Variants in RP1 observed in about 807,000 individuals in gnomAD.
RP1 encodes RP1 axonemal microtubule associated.
A neutral mutation model predicts 14.8 loss-of-function variants in RP1; 16 were observed. That is an observed-to-expected ratio of 1.08 (90% CI 0.73 to 1.65). The LOEUF (loss-of-function observed/expected upper bound fraction) is 1.65, where lower values mean the gene tolerates loss of function less well. Among genes scored for constraint, RP1 ranks in the 40% most tolerant of loss-of-function variants. The pLI is 0.00. For missense variants in RP1, 2,631 were observed against 2,535.0 expected (o/e 1.04, Z -0.81); for synonymous variants, 876 against 883.6 (o/e 0.99, Z 0.15).
Position 54,781,472 on chromosome 8 carries a change from C to T in RP1, c.3452-2075C>T, listed in dbSNP as rs77562501. The stretch of plus-strand genomic sequence containing the variant: ...AGTCATATTCTTTTGATTTTTTTGG[C>T]GAAAAAAGTTTTGCAATAGAAAATT... On this transcript the variant is annotated intron_variant, in intron 23 of 28. Transcript: ENST00000637698. Among the ~76,000 whole-genome samples the T allele has an allele frequency of 4.6e-3, 698 of 151,744 alleles. 19 individuals are homozygous for T. In the East Asian group the frequency reaches 0.071, roughly 15 times the overall value.
Position 54,625,341 on chromosome 8 carries a change from G to C in RP1, c.1459G>C (p.Glu487Gln), listed in dbSNP as rs1479867904. 1 of 1,614,172 alleles carries C rather than the reference G, an allele frequency of 6.2e-7. No individual in the cohort carries two copies. The highest frequency in any genetic ancestry group is 8.5e-7 in the Non-Finnish European group (1 of 1,180,028). Residue 487 changes from glutamate to glutamine, a missense_variant, in exon 4 of 4, where the codon GAA (glutamate) becomes CAA (glutamine). Physicochemically the swap from Glu to Gln is conservative, Grantham distance 29. Transcript: ENST00000220676. ...EKMIGQFSYS[E>Q]ERESGENKSE... ...AATGATTGGACAGTTTTCATATAGT[G>C]AAGAAAGGGAAAGTGGGGAAAACAA...
intron 3 of RP1, among the ~76,000 whole-genome samples, chr8:54,640,787 T>C (rs1806438489): frequency 6.6e-6 from 1 of 152,186 alleles, no homozygotes; most frequent in Admixed American, 6.5e-5. Flanking sequence ...ATTAGTTCTG[T>C]ATCTTATACT....
At chr8:54,726,129 G>A (rs547935383) in intron 16 of RP1, among the ~76,000 whole-genome samples, 1 of 152,284 alleles carries the variant, frequency 6.6e-6, no homozygotes, top group East Asian at 1.9e-4. Context: ...AAAGCAATGA[G>A]TAGGTTTTAT....
chr8:54,824,622 A>T (rs1172063161), intron 24 of RP1, among the ~76,000 whole-genome samples: 1 of 152,260 alleles, frequency 6.6e-6, no homozygotes, highest in Non-Finnish European at 1.5e-5. Context: ...GGGAAACCGC[A>T]GACTAATTTT....
At chr8:54,694,251 G>A (rs1046526595) in intron 12 of RP1, among the ~76,000 whole-genome samples, 3 of 152,120 alleles carry the variant, frequency 2.0e-5, no homozygotes, top group Non-Finnish European at 2.9e-5. Context: ...TTGCATCAAC[G>A]TTCATCGAGG....
chr8:54,824,959 T>TTA lies in RP1; in HGVS notation c.3616-12491_3616-12490insTA, dbSNP rs1407243359. Among the ~76,000 whole-genome samples, 359 of 137,844 alleles carry TTA rather than the reference T, an allele frequency of 2.6e-3. 1 individual carries two copies. Among genetic ancestry groups the TTA allele is most frequent in the Non-Finnish European group, 4.5e-3 (276 of 60,950 alleles). 90.4% of individuals were successfully genotyped at this position (137,844 alleles called of 152,430 possible). A position where few individuals can be genotyped will look rare whatever the true frequency, so the allele number is the denominator to read the frequency against. ...CAGAGCTAACACTATTCTTTTTCTT[T>TTA]CTTTTTTTTTTTTAATTTATTTATG... On this transcript the variant is annotated intron_variant, in intron 24 of 28. Transcript: ENST00000637698.
intron 17 of RP1, chr8:54,726,519 G>A (rs1274067888): frequency 1.3e-6 from 2 of 1,499,110 alleles, no homozygotes; most frequent in Non-Finnish European, 1.8e-6. Flanking sequence ...TTTGTTTGCT[G>A]CATTATTTCT....
chr8:54,583,854 T>C (rs1225317889), intron 1 of RP1, among the ~76,000 whole-genome samples: 4 of 152,252 alleles, frequency 2.6e-5, no homozygotes, highest in Non-Finnish European at 5.9e-5. Flanking sequence ...ATATCCCCTT[T>C]ATCATTTTTT....
chr8:54,772,230 G>A (rs1377992823), downstream of RP1, among the ~76,000 whole-genome samples: 1 of 152,048 alleles, frequency 6.6e-6, no homozygotes, highest in African/African-American at 2.4e-5. Flanking sequence ...ACTTGGTTGT[G>A]AGAGAATGTT....
intron 24 of RP1, among the ~76,000 whole-genome samples, chr8:54,805,986 T>C (rs985884364): frequency 2.0e-5 from 3 of 152,034 alleles, no homozygotes; most frequent in Non-Finnish European, 4.4e-5. Flanking sequence ...GTAATAAATT[T>C]ATTGTCAGTG....
chr8:54,621,686 C>A (rs1805883353), intron 2 of RP1, 105 bp downstream of exon 2: 3 of 1,524,550 alleles, frequency 2.0e-6, no homozygotes, highest in Non-Finnish European at 1.8e-6. Flanking sequence ...AATCTTCCTT[C>A]CTCCCTGCCT....
intron 24 of RP1, among the ~76,000 whole-genome samples, chr8:54,819,946 G>A (rs1053263606): frequency 1.3e-5 from 2 of 151,098 alleles, no homozygotes; most frequent in African/African-American, 2.5e-5. Context: ...CGCAAGATCC[G>A]CGGTGACTAC....
At chr8:54,816,634 G>A (rs1024046180) in intron 24 of RP1, among the ~76,000 whole-genome samples, 9 of 152,294 alleles carry the variant, frequency 5.9e-5, no homozygotes, top group Middle Eastern at 3.4e-3. Flanking sequence ...CCAGACTCAT[G>A]TACTAGTCTC....
At chr8:54,830,840 A>G (rs1811502150) in intron 24 of RP1, among the ~76,000 whole-genome samples, 1 of 152,104 alleles carries the variant, frequency 6.6e-6, no homozygotes, top group Admixed American at 6.5e-5. Context: ...AAAACTCTGT[A>G]CACATTCAGC....
chr8:54,621,382 C>A lies in RP1; in HGVS notation c.416C>A (p.Pro139His). Residue 139 changes from proline (P) to histidine (H), a missense_variant, in exon 2 of 4, where the codon CCC becomes CAC. Coordinates refer to ENST00000220676, the MANE Select transcript of RP1 (RefSeq NM_006269.2). ...SSRAISAHSPPHPVAVAAPGM... is the reference protein window; with the variant it reads ...SSRAISAHSPHHPVAVAAPGM... ...CGGGCCATTAGCGCGCACTCACCGC[C>A]CCACCCCGTAGCCGTCGCTGCTCCC... The A allele has an allele frequency of 1.2e-6, 2 of 1,612,948 alleles. No individual in the cohort carries two copies. Among genetic ancestry groups the A allele is most frequent in the Non-Finnish European group, 1.7e-6 (2 of 1,179,878 alleles).
At chr8:54,670,227 G>A (rs559520287) in intron 7 of RP1, among the ~76,000 whole-genome samples, 5 of 151,840 alleles carry the variant, frequency 3.3e-5, no homozygotes, top group African/African-American at 2.4e-5. Flanking sequence ...CATGGATAAT[G>A]TTCCGTGTTT....
intron 24 of RP1, among the ~76,000 whole-genome samples, chr8:54,819,702 A>G (rs1399159914): frequency 2.6e-5 from 4 of 152,200 alleles, no homozygotes; most frequent in Non-Finnish European, 5.9e-5. Flanking sequence ...CCATAAGCCC[A>G]GCAATGCTGC....
At chr8:54,845,538 C>T (rs567108245) in intron 25 of RP1, among the ~76,000 whole-genome samples, 7 of 152,130 alleles carry the variant, frequency 4.6e-5, no homozygotes, top group African/African-American at 1.2e-4. Flanking sequence ...AGTGGCAGCT[C>T]GGGCTACAGA....
intron 18 of RP1, among the ~76,000 whole-genome samples, chr8:54,736,443 C>T (rs1808923269): frequency 6.6e-6 from 1 of 152,140 alleles, no homozygotes; most frequent in Non-Finnish European, 1.5e-5. Context: ...TCCTCAGTAT[C>T]CTACTTAGCA....
Sources: allele counts gnomAD v4.1 joint callset (sites outside exome capture counted in the v4.1 genomes callset), GRCh38; gene constraint gnomAD v4.1.1; transcripts MANE v1.5; gene names NCBI Gene and HGNC (gene_info 2026-07-23, HGNC 2026-07-21).